OPRM1: variants seen among roughly 807,000 people sequenced by gnomAD.
OPRM1 encodes opioid receptor mu 1.
OPRM1 carries 27 observed loss-of-function variants against 31.8 expected under a neutral mutation model. That is an observed-to-expected ratio of 0.85 (90% confidence interval 0.63 to 1.17). OPRM1 has a LOEUF of 1.17. OPRM1 is among the 50% of genes most tolerant of loss of function. The pLI, the probability that OPRM1 is intolerant of heterozygous loss-of-function variation, is 0.00. For missense variants in OPRM1, 536 were observed against 511.1 expected (o/e 1.05, Z -0.47); for synonymous variants, 196 against 189.9 (o/e 1.03, Z -0.26).
chr6:154,227,057 G>C (rs1171488621), intron 3 of OPRM1, among the ~76,000 whole-genome samples: 1 of 152,020 alleles, frequency 6.6e-6, no homozygotes, highest in Non-Finnish European at 1.5e-5. Context: ...AATTAGCCAG[G>C]TGTGGTGGCG....
chr6:154,134,831 G>C (rs1489779018), downstream of OPRM1, among the ~76,000 whole-genome samples: 1 of 151,858 alleles, frequency 6.6e-6, no homozygotes, highest in Non-Finnish European at 1.5e-5. Flanking sequence ...ACCACTATTT[G>C]AGTCCAAAGA....
At chr6:154,224,715 A>C (rs1473536601) in intron 3 of OPRM1, among the ~76,000 whole-genome samples, 5 of 152,162 alleles carry the variant, frequency 3.3e-5, no homozygotes, top group East Asian at 1.9e-4. Context: ...TGTCTTAAAA[A>C]AAACAAACAA....
rs1278789138 is a variant in OPRM1, at chr6:154,121,914, A to T, written c.*3193A>T. On this transcript the variant is annotated 3_prime_UTR_variant, in exon 4 of 4. Coordinates refer to ENST00000330432, the MANE Select transcript of OPRM1 (RefSeq NM_000914.5). ...AAATGTTTTATCTAAATATGTGGAA[A>T]TGATAAGATGCGTACTGCATCTCTC... 2.0e-5 allele frequency among the ~76,000 whole-genome samples: 3 copies of T among 152,246 alleles called. No homozygotes were observed. The highest frequency in any genetic ancestry group is 4.4e-5 in the Non-Finnish European group (3 of 68,042).
At chr6:154,100,005 TATG>T (rs1476961871) in intron 3 of OPRM1, among the ~76,000 whole-genome samples, 4 of 119,602 alleles carry the variant, frequency 3.3e-5, no homozygotes, top group Non-Finnish European at 5.3e-5. Context: ...ATTATCATAT[TATG>T]ATATATATCA....
At chr6:154,206,211 T>G (rs957729482) in intron 3 of OPRM1, among the ~76,000 whole-genome samples, 8 of 152,246 alleles carry the variant, frequency 5.3e-5, no homozygotes, top group African/African-American at 1.9e-4. Flanking sequence ...TTGCAAATGC[T>G]ACTTCCGATA....
At chr6:154,214,158 CCT>C (rs1249190845) in intron 3 of OPRM1, 3 of 1,070,232 alleles carry the variant, frequency 2.8e-6, no homozygotes, top group East Asian at 2.4e-5. Flanking sequence ...GTTTTTTCAC[CCT>C]GTTTCAACCT....
At chr6:154,154,014 T>A (rs1798616241) in intron 3 of OPRM1, among the ~76,000 whole-genome samples, 2 of 152,166 alleles carry the variant, frequency 1.3e-5, no homozygotes, top group South Asian at 4.1e-4. Flanking sequence ...CTAAAATAAT[T>A]TTTCCTGCTT....
At chr6:154,011,335 A>G (rs568203523) in intron 1 of OPRM1, among the ~76,000 whole-genome samples, 58 of 152,322 alleles carry the variant, frequency 3.8e-4, no homozygotes, top group African/African-American at 1.2e-3. Flanking sequence ...TTTATCAGAC[A>G]GTTGGCAGTT....
At chr6:154,160,945 GCCGAGT>G (rs1399663520) in intron 3 of OPRM1, among the ~76,000 whole-genome samples, 1 of 152,136 alleles carries the variant, frequency 6.6e-6, no homozygotes, top group Non-Finnish European at 1.5e-5. Flanking sequence ...GCATGTAAAT[GCCGAGT>G]CCCCCTCATG....
intron 3 of OPRM1, among the ~76,000 whole-genome samples, chr6:154,194,368 C>T (rs1165494979): frequency 6.6e-6 from 1 of 152,138 alleles, no homozygotes; most frequent in Non-Finnish European, 1.5e-5. Flanking sequence ...CATTGCACTC[C>T]AGCATGGGCA....
rs1437557557 is a variant in OPRM1, at chr6:154,210,932, AGAGG to A, written c.1165-35760_1165-35757del. Among the ~76,000 whole-genome samples, 20 of 152,362 alleles carry A rather than the reference AGAGG, an allele frequency of 1.3e-4. No homozygotes were observed. The South Asian group carries it at 4.1e-3, about 32-fold the overall frequency. On this transcript the variant is annotated intron_variant, in intron 3 of 3. Transcript: ENST00000337049. The stretch of plus-strand genomic sequence containing the variant: ...TCCACTGACAGTGTGAAAAAACAGT[AGAGG>A]TCATTATTTAAATAATCAATATAAT...
At chr6:154,085,554 T>A (rs946929576) in intron 1 of OPRM1, among the ~76,000 whole-genome samples, 6 of 152,198 alleles carry the variant, frequency 3.9e-5, no homozygotes, top group African/African-American at 1.4e-4. Flanking sequence ...GTTCAGTGGC[T>A]ACCATAGGAA....
At chr6:154,180,442 G>A (rs1396385087) in intron 3 of OPRM1, among the ~76,000 whole-genome samples, 23 of 144,578 alleles carry the variant, frequency 1.6e-4, no homozygotes, top group African/African-American at 4.2e-4. Flanking sequence ...ATCCTTCTTG[G>A]TGACATTAGC....
intron 1 of OPRM1, among the ~76,000 whole-genome samples, chr6:154,085,438 G>A (rs1583448242): frequency 6.6e-6 from 1 of 152,124 alleles, no homozygotes; most frequent in Admixed American, 6.5e-5. Flanking sequence ...AAACAAAAGA[G>A]CTATTTAATC....
intron 3 of OPRM1, among the ~76,000 whole-genome samples, chr6:154,245,156 G>A (rs770055218): frequency 3.3e-5 from 5 of 152,288 alleles, no homozygotes; most frequent in African/African-American, 7.2e-5. Context: ...TAGACAAGAT[G>A]AAGAATGTAT....
intron 1 of OPRM1, among the ~76,000 whole-genome samples, chr6:154,015,946 G>C (rs1280383359): frequency 1.3e-5 from 2 of 151,030 alleles, no homozygotes; most frequent in Non-Finnish European, 2.9e-5. Context: ...AAATCCAAGA[G>C]GTTGAAATCA....
chr6:154,112,266 T>C (rs181725076), intron 3 of OPRM1, among the ~76,000 whole-genome samples: 1 of 152,298 alleles, frequency 6.6e-6, no homozygotes, highest in South Asian at 2.1e-4. Context: ...AAAGGAGATA[T>C]CTTAGCAAGC....
chr6:154,134,048 T>C (rs1797995323), downstream of OPRM1, among the ~76,000 whole-genome samples: 1 of 152,208 alleles, frequency 6.6e-6, no homozygotes, highest in African/African-American at 2.4e-5. Context: ...GGCTGTCATT[T>C]AAGGAGTATG....
At chr6:154,222,950 G>A (rs73789376) in intron 3 of OPRM1, 244 of 575,004 alleles carry the variant, frequency 4.2e-4, no homozygotes, top group African/African-American at 4.2e-3. Context: ...CCAAGACTTC[G>A]TGGGGGTTTT....
Sources: gnomAD v4.1 joint callset for allele counts (sites outside exome capture counted in the v4.1 genomes callset) on GRCh38, gnomAD v4.1.1 for gene constraint, MANE v1.5 for transcripts, NCBI Gene and HGNC (gene_info 2026-07-23, HGNC 2026-07-21) for gene names.